GAD2: variants seen among roughly 807,000 people sequenced by gnomAD.
GAD2 encodes the protein glutamate decarboxylase 2.
In GAD2, 22 loss-of-function variants were observed where a neutral mutation model predicts 80.1. The ratio of observed to expected loss-of-function variants is 0.27; its 90% confidence interval spans 0.20 to 0.39. GAD2 has a LOEUF of 0.39. GAD2 is among the 10% of genes least tolerant of loss of function. GAD2 has a pLI of 1.00. For synonymous variants in GAD2, 274 were observed against 256.9 expected (o/e 1.07, Z -0.64); for missense variants, 624 against 738.4 (o/e 0.85, Z 1.80).
chr10:26,258,867 G>A (rs1844975802), intron 8 of GAD2, among the ~76,000 whole-genome samples: 2 of 151,154 alleles, frequency 1.3e-5, no homozygotes, highest in African/African-American at 4.9e-5. Flanking sequence ...AGGCTGGAGT[G>A]CAATGGCACA....
chr10:26,248,638 G>C (rs746469104), intron 8 of GAD2, among the ~76,000 whole-genome samples: 3 of 152,116 alleles, frequency 2.0e-5, no homozygotes, highest in East Asian at 1.9e-4. Flanking sequence ...GAAGGAACTC[G>C]TTTCCCTTTA....
intron 15 of GAD2, among the ~76,000 whole-genome samples, chr10:26,293,393 G>A (rs1474397250): frequency 2.6e-5 from 4 of 152,050 alleles, no homozygotes; most frequent in African/African-American, 7.2e-5. Flanking sequence ...GGCCAGGCTG[G>A]TCTCGAACTC....
At chr10:26,247,798 A>AGG (rs1407752011) in intron 8 of GAD2, among the ~76,000 whole-genome samples, 1 of 151,206 alleles carries the variant, frequency 6.6e-6, no homozygotes, top group Non-Finnish European at 1.5e-5. Flanking sequence ...CAGGAGGCTG[A>AGG]CACAGGAGAA....
intron 10 of GAD2, among the ~76,000 whole-genome samples, chr10:26,272,570 G>A (rs1034668880): frequency 5.3e-5 from 8 of 152,158 alleles, no homozygotes; most frequent in African/African-American, 1.9e-4. Flanking sequence ...TTTTCAAAGT[G>A]CAAAAGAACT....
chr10:26,226,905 C>T (rs1844534165), intron 6 of GAD2, among the ~76,000 whole-genome samples: 1 of 152,202 alleles, frequency 6.6e-6, no homozygotes, highest in Non-Finnish European at 1.5e-5. Flanking sequence ...TAAAGAGGGG[C>T]TAGGAAAGAA....
In GAD2 at chr10:26,301,046, C is replaced by A; in HGVS notation, c.*85C>A. On this transcript the variant is annotated 3_prime_UTR_variant, in exon 16 of 16. Transcript: ENST00000376261. ...GTGTGAATGTATTTGTAGTTTGTTC[C>A]AAAGTAAATCTATTTCTATATTGTG... is the stretch of plus-strand genomic sequence containing the variant. 1 of 1,155,970 alleles carries A rather than the reference C, an allele frequency of 8.7e-7. No individual in the cohort carries two copies. 71.6% of individuals were successfully genotyped at this position (1,155,970 alleles called of 1,614,324 possible).
In GAD2 at chr10:26,217,960, G is replaced by A. The variant is rs1844401115; in HGVS notation, c.255G>A (p.Val85=). 4 of 1,611,634 alleles carry A rather than the reference G, an allele frequency of 2.5e-6. No individual in the cohort carries two copies. The East Asian group carries it at 8.9e-5, about 36-fold the overall frequency. ...CDQKPCSCSK[V]DVNYAFLHAT... ...AGAAGCCCTGCAGCTGCTCCAAAGT[G>A]GATGTCAACTACGCGTTTCTCCATG... is the stretch of plus-strand genomic sequence containing the variant. Residue 85 remains valine, a synonymous_variant, in exon 3 of 16, where the codon GTG becomes GTA. Coordinates refer to ENST00000376261, the MANE Select transcript of GAD2 (RefSeq NM_001134366.2). The surrounding 1 kb of genome is among the most constrained non-coding windows in gnomAD (Gnocchi z 4.9).
chr10:26,291,711 A>G (rs965694908), intron 13 of GAD2, among the ~76,000 whole-genome samples: 7 of 152,192 alleles, frequency 4.6e-5, no homozygotes, highest in Non-Finnish European at 1.0e-4. Context: ...ACCCAAGGAG[A>G]TAAGAGGAAA....
chr10:26,243,049 C>A lies in GAD2; in HGVS notation c.841-2872C>A, dbSNP rs116485011. ...CTGCCAAATGCACAAAAAACCCCCC[C>A]CCTTTTTTTGGTGGGGGAGGTCATG... On this transcript the variant is annotated intron_variant, in intron 7 of 15. Transcript: ENST00000376261. Among the ~76,000 whole-genome samples the A allele has an allele frequency of 7.9e-3, 1,203 of 152,224 alleles. 6 individuals carry two copies. The highest frequency in any genetic ancestry group is 0.011 in the Non-Finnish European group (759 of 68,008).
At chr10:26,280,185 A>C (rs1845256138) in intron 11 of GAD2, among the ~76,000 whole-genome samples, 2 of 152,208 alleles carry the variant, frequency 1.3e-5, no homozygotes, top group African/African-American at 4.8e-5. Context: ...ATGGAGACCC[A>C]CGCCCTCACC....
Position 26,301,680 on chromosome 10 carries a change from T to C in GAD2, c.*719T>C, listed in dbSNP as rs185812139. On this transcript the variant is annotated 3_prime_UTR_variant, in exon 16 of 16. Coordinates refer to ENST00000376261, the MANE Select transcript of GAD2 (RefSeq NM_001134366.2). ...TTATTGCTTCTTTCTATACATGTTA[T>C]GGCTTATCACATCTCTAAAGTTAGT... 18 of 152,326 alleles carry C rather than the reference T, an allele frequency of 1.2e-4. No individual in the cohort carries two copies. Among genetic ancestry groups the C allele is most frequent in the African/African-American group, 4.1e-4 (17 of 41,580 alleles). The allele number at this position is 152,326 out of a possible 1,614,324, so 9.4% of individuals were successfully genotyped here. A position where few individuals can be genotyped will look rare whatever the true frequency, so the allele number is the denominator to read the frequency against.
intron 8 of GAD2, among the ~76,000 whole-genome samples, chr10:26,266,585 A>C (rs1295657831): frequency 1.3e-5 from 2 of 152,208 alleles, no homozygotes; most frequent in Non-Finnish European, 2.9e-5. Context: ...TAGAGAAAAC[A>C]AATATAGTTT....
intron 8 of GAD2, among the ~76,000 whole-genome samples, chr10:26,267,404 T>C (rs922404633): frequency 2.0e-5 from 3 of 152,224 alleles, no homozygotes; most frequent in Non-Finnish European, 4.4e-5. Flanking sequence ...AGGTTGAAAA[T>C]CACTGCTTTA....
In GAD2 at chr10:26,292,988, G is replaced by A. The variant is rs763555415; in HGVS notation, c.1581G>A (p.Ser527=). ...EDNEERMSRL[S]KVAPVIKARM... ...ATGAAGAGAGAATGAGTCGCCTCTCGAAGGTCAGTGCTCCAAGCTCCTCTG... is the reference window on the plus strand; with the variant it reads ...ATGAAGAGAGAATGAGTCGCCTCTCAAAGGTCAGTGCTCCAAGCTCCTCTG... Residue 527 remains serine, a synonymous_variant, in exon 15 of 16, where the codon TCG becomes TCA. Coordinates refer to ENST00000376261, the MANE Select transcript of GAD2 (RefSeq NM_001134366.2). The A allele has an allele frequency of 5.0e-6, 8 of 1,611,194 alleles. No homozygotes were observed. Among genetic ancestry groups the A allele is most frequent in the Admixed American group, 3.3e-5 (2 of 59,970 alleles).
intron 8 of GAD2, among the ~76,000 whole-genome samples, chr10:26,266,266 T>C (rs1845072106): frequency 6.6e-6 from 1 of 152,180 alleles, no homozygotes; most frequent in Non-Finnish European, 1.5e-5. Context: ...TGGGATGAAT[T>C]AATTCCTGGG....
At chr10:26,300,736 C>G in intron 15 of GAD2, 52 bp from the exon 16 acceptor site, 1 of 1,558,102 alleles carries the variant, frequency 6.4e-7, no homozygotes, top group Non-Finnish European at 8.8e-7. Flanking sequence ...TTCTTTGACT[C>G]AGGGGAGAGT....
chr10:26,239,618 GAC>G (rs977442935), intron 7 of GAD2, among the ~76,000 whole-genome samples: 3 of 152,192 alleles, frequency 2.0e-5, no homozygotes, highest in African/African-American at 7.2e-5. Flanking sequence ...TCTCGTAGTG[GAC>G]ACACAGTGAA....
At chr10:26,261,258 C>T (rs904314716) in intron 8 of GAD2, among the ~76,000 whole-genome samples, 1 of 152,040 alleles carries the variant, frequency 6.6e-6, no homozygotes, top group Non-Finnish European at 1.5e-5. Flanking sequence ...ATTCTTAGAA[C>T]ATGTTAATAT....
chr10:26,249,868 T>C (rs142126089), intron 8 of GAD2, among the ~76,000 whole-genome samples: 287 of 151,922 alleles, frequency 1.9e-3, no homozygotes, highest in African/African-American at 5.6e-3. Flanking sequence ...AAAGGGACCA[T>C]GGACAGGGCT....
Sources: gnomAD v4.1 joint callset for allele counts (sites outside exome capture counted in the v4.1 genomes callset) on GRCh38, gnomAD v4.1.1 for gene constraint, Gnocchi (gnomAD v3.1) non-coding constraint, MANE v1.5 for transcripts, NCBI Gene and HGNC (gene_info 2026-07-23, HGNC 2026-07-21) for gene names.